The following NLGN1 variants were observed in gnomAD, a reference collection of about 807,000 sequenced individuals.
The protein encoded by NLGN1 is neuroligin 1.
Under a neutral mutation model 65.5 loss-of-function variants are expected in NLGN1, and 12 were observed. The observed-to-expected ratio is 0.18, with a 90% confidence interval of 0.12 to 0.30. The LOEUF (loss-of-function observed/expected upper bound fraction) is 0.30. NLGN1 is among the 10% of genes least tolerant of loss of function. The pLI, the probability that NLGN1 is intolerant of heterozygous loss-of-function variation, is 1.00. For missense variants in NLGN1, 750 were observed against 1,007.1 expected (o/e 0.74, Z 3.46); for synonymous variants, 350 against 359.5 (o/e 0.97, Z 0.30).
intron 4 of NLGN1, among the ~76,000 whole-genome samples, chr3:174,271,072 C>CATTG (rs770219822): frequency 6.6e-6 from 1 of 151,762 alleles, no homozygotes; most frequent in Non-Finnish European, 1.5e-5. Context: ...CAGGCAACAG[C>CATTG]ATTGATAAAC....
At chr3:173,445,422 A>G (rs1353931386) in intron 2 of NLGN1, among the ~76,000 whole-genome samples, 1 of 152,226 alleles carries the variant, frequency 6.6e-6, no homozygotes, top group Non-Finnish European at 1.5e-5. Flanking sequence ...TTAAAGATTA[A>G]TATCCAGGCT....
intron 2 of NLGN1, among the ~76,000 whole-genome samples, chr3:173,499,943 A>T (rs1250632260): frequency 6.6e-6 from 1 of 151,694 alleles, no homozygotes; most frequent in Non-Finnish European, 1.5e-5. Flanking sequence ...TATCAGCTTA[A>T]GATTTTGGGC....
chr3:174,008,927 G>A (rs1457108986), intron 4 of NLGN1, among the ~76,000 whole-genome samples: 1 of 152,006 alleles, frequency 6.6e-6, no homozygotes, highest in Non-Finnish European at 1.5e-5. Context: ...CACCTGCCCT[G>A]TACTATATTC....
At chr3:174,079,952 G>A (rs545510148) in intron 4 of NLGN1, among the ~76,000 whole-genome samples, 1 of 152,122 alleles carries the variant, frequency 6.6e-6, no homozygotes. Context: ...CTTAATATCT[G>A]GGTGGTGGAA....
chr3:173,784,541 G>T (rs941616183), intron 3 of NLGN1, among the ~76,000 whole-genome samples: 2 of 152,004 alleles, frequency 1.3e-5, no homozygotes, highest in Non-Finnish European at 2.9e-5. Context: ...GTACCTAGAG[G>T]CAGAGAGCGA....
At chr3:173,434,449 A>C (rs529438186) in intron 1 of NLGN1, among the ~76,000 whole-genome samples, 1 of 152,346 alleles carries the variant, frequency 6.6e-6, no homozygotes, top group African/African-American at 2.4e-5. Flanking sequence ...ATTTAGAGTG[A>C]AACAATATTT....
chr3:173,674,259 C>A lies in NLGN1; in HGVS notation c.493+69168C>A, dbSNP rs537031567. On this transcript the variant is annotated intron_variant, in intron 3 of 6. Coordinates refer to ENST00000457714, the Ensembl canonical transcript of NLGN1. ...TAAAACATGAAAGTAAATATATGAACAATCAATAGTAAAATGGCCTTGTCT... is the reference window on the plus strand; with the variant it reads ...TAAAACATGAAAGTAAATATATGAAAAATCAATAGTAAAATGGCCTTGTCT... Among the ~76,000 whole-genome samples the A allele has an allele frequency of 1.2e-4, 18 of 152,190 alleles. No individual in the cohort carries two copies. The South Asian group carries it at 3.7e-3, about 32-fold the overall frequency.
intron 2 of NLGN1, among the ~76,000 whole-genome samples, chr3:173,557,584 A>C (rs753646087): frequency 1.3e-4 from 20 of 152,014 alleles, no homozygotes; most frequent in Non-Finnish European, 2.5e-4. Flanking sequence ...TCTTCTATTA[A>C]CTTTTTATCT....
At chr3:174,078,640 G>A (rs1741506805) in intron 4 of NLGN1, among the ~76,000 whole-genome samples, 1 of 152,078 alleles carries the variant, frequency 6.6e-6, no homozygotes, top group African/African-American at 2.4e-5. Context: ...TCCTACCTAT[G>A]TAGCATTAGG....
At chr3:174,249,804 T>C (rs886275042) in intron 4 of NLGN1, among the ~76,000 whole-genome samples, 2 of 152,210 alleles carry the variant, frequency 1.3e-5, no homozygotes, top group East Asian at 3.8e-4. Context: ...CCTTTTTTGC[T>C]TAGTTATTTT....
At chr3:173,829,571 T>TG (rs1722076401) in intron 4 of NLGN1, among the ~76,000 whole-genome samples, 1 of 103,768 alleles carries the variant, frequency 9.6e-6, no homozygotes. Flanking sequence ...TGTGTGTGTG[T>TG]TTGTGTGTGT....
intron 4 of NLGN1, among the ~76,000 whole-genome samples, chr3:173,895,334 A>G (rs929235950): frequency 7.9e-5 from 12 of 152,220 alleles, no homozygotes; most frequent in African/African-American, 2.7e-4. Flanking sequence ...TGATTTTATT[A>G]CAAAGGCATC....
intron 4 of NLGN1, among the ~76,000 whole-genome samples, chr3:173,867,191 AGAT>A (rs1730339656): frequency 6.6e-6 from 1 of 152,200 alleles, no homozygotes; most frequent in South Asian, 2.1e-4. Flanking sequence ...AAATATGCAG[AGAT>A]GATATCAGAT....
intron 3 of NLGN1, among the ~76,000 whole-genome samples, chr3:173,761,667 A>G (rs1237322153): frequency 6.6e-6 from 1 of 152,086 alleles, no homozygotes; most frequent in Admixed American, 6.6e-5. Context: ...AATAACCTGC[A>G]TTTCCTACAG....
intron 3 of NLGN1, among the ~76,000 whole-genome samples, chr3:173,681,162 C>T (rs1428001076): frequency 6.6e-6 from 1 of 151,984 alleles, no homozygotes; most frequent in Non-Finnish European, 1.5e-5. Flanking sequence ...CATTTTCTGA[C>T]CAGTGAGATA....
chr3:173,453,353 C>T (rs562495215), intron 2 of NLGN1, among the ~76,000 whole-genome samples: 20 of 151,132 alleles, frequency 1.3e-4, no homozygotes, highest in African/African-American at 4.4e-4. Flanking sequence ...CTGTGTTGGC[C>T]TCCCAAAGTG....
intron 4 of NLGN1, among the ~76,000 whole-genome samples, chr3:173,850,166 A>C (rs1726614291): frequency 6.6e-6 from 1 of 152,184 alleles, no homozygotes; most frequent in Admixed American, 6.5e-5. Context: ...TTCTTTCATT[A>C]ATACATACTA....
rs1345851798 is a variant in NLGN1 at position 173,496,323 on chromosome 3, TG to T, written c.-321+61249del. 2.6e-5 allele frequency among the ~76,000 whole-genome samples: 4 copies of T among 151,878 alleles called. 1 individual carries two copies. Among genetic ancestry groups the T allele is most frequent in the African/African-American group, 9.7e-5 (4 of 41,166 alleles). On this transcript the variant is annotated intron_variant, in intron 2 of 6. Transcript: ENST00000457714. ...TAGCTTCTAGAATATTCTAGGATACTGGGGACAGGTGAAGGTTAGATTACTA... is the reference window on the plus strand; with the variant it reads ...TAGCTTCTAGAATATTCTAGGATACTGGGACAGGTGAAGGTTAGATTACTA...
At chr3:173,599,060 T>G (rs578227630) in intron 2 of NLGN1, among the ~76,000 whole-genome samples, 1 of 152,276 alleles carries the variant, frequency 6.6e-6, no homozygotes, top group African/African-American at 2.4e-5. Flanking sequence ...TCGTAGTTCT[T>G]TTAAGCCCAT....
Sources: allele counts gnomAD v4.1 joint callset (sites outside exome capture counted in the v4.1 genomes callset), GRCh38; gene constraint gnomAD v4.1.1; transcripts MANE v1.5; gene names NCBI Gene and HGNC (gene_info 2026-07-23, HGNC 2026-07-21).